The following CTNNA2 variants were observed in gnomAD, a reference collection of about 807,000 sequenced individuals.
The protein encoded by CTNNA2 is catenin alpha-2.
A neutral mutation model predicts 101.0 loss-of-function variants in CTNNA2; 42 were observed. The ratio of observed to expected loss-of-function variants is 0.42; its 90% confidence interval spans 0.32 to 0.54. CTNNA2 has a LOEUF of 0.54. Ranked by LOEUF, CTNNA2 falls within the 20% of genes least tolerant of loss-of-function variation. CTNNA2 has a pLI of 0.14. For missense variants in CTNNA2, 871 were observed against 1,223.1 expected (o/e 0.71, Z 4.29); for synonymous variants, 450 against 456.4 (o/e 0.99, Z 0.18).
intron 4 of CTNNA2, among the ~76,000 whole-genome samples, chr2:79,381,121 A>T (rs913663790): frequency 6.6e-6 from 1 of 152,200 alleles, no homozygotes; most frequent in African/African-American, 2.4e-5. Context: ...TCTTAGCAAG[A>T]TGTTGAAGAG....
chr2:79,299,162 T>C (rs1314344649), intron 2 of CTNNA2, among the ~76,000 whole-genome samples: 2 of 152,134 alleles, frequency 1.3e-5, no homozygotes, highest in African/African-American at 4.8e-5. Flanking sequence ...GAGTAGGCAA[T>C]AACCTGCTTT....
chr2:80,366,926 T>G (rs1010653971), intron 7 of CTNNA2, among the ~76,000 whole-genome samples: 1 of 152,010 alleles, frequency 6.6e-6, no homozygotes, highest in African/African-American at 2.4e-5. Flanking sequence ...TTGATTCCAT[T>G]GGTTCCATCC....
chr2:80,036,017 C>T (rs1273176577), intron 7 of CTNNA2, among the ~76,000 whole-genome samples: 1 of 152,220 alleles, frequency 6.6e-6, no homozygotes, highest in Admixed American at 6.5e-5. Context: ...TTCAGTCCCA[C>T]ATGACGGTCT....
chr2:80,326,382 A>G (rs1323035162), intron 7 of CTNNA2, among the ~76,000 whole-genome samples: 1 of 152,164 alleles, frequency 6.6e-6, no homozygotes, highest in Non-Finnish European at 1.5e-5. Flanking sequence ...GTCAAATGTC[A>G]TTCTTTTCAT....
At chr2:79,258,214 G>A (rs1451251105) in intron 2 of CTNNA2, among the ~76,000 whole-genome samples, 1 of 152,160 alleles carries the variant, frequency 6.6e-6, no homozygotes, top group Non-Finnish European at 1.5e-5. Flanking sequence ...CAAATGCCAA[G>A]CAGAATTTTT....
intron 7 of CTNNA2, among the ~76,000 whole-genome samples, chr2:79,941,092 C>A (rs1224906941): frequency 6.6e-6 from 1 of 152,156 alleles, no homozygotes; most frequent in East Asian, 1.9e-4. Flanking sequence ...GCTGCCAGGT[C>A]CAGCTTATGT....
At chr2:80,559,878 T>TATCTATCTATCTATCTATATATATATATA (rs1693393440) in intron 12 of CTNNA2, among the ~76,000 whole-genome samples, 15 of 114,022 alleles carry the variant, frequency 1.3e-4, no homozygotes, top group African/African-American at 4.2e-4. Flanking sequence ...GATATCATAT[T>TATCTATCTATCTATCTATATATATATATA]TATATATATA....
At chr2:79,785,254 C>T (rs974816600) in intron 3 of CTNNA2, among the ~76,000 whole-genome samples, 1 of 152,202 alleles carries the variant, frequency 6.6e-6, no homozygotes, top group African/African-American at 2.4e-5. Context: ...CAGGCCCCAC[C>T]TGTTCTGTTG....
At chr2:79,290,967 G>T (rs771998218) in intron 2 of CTNNA2, among the ~76,000 whole-genome samples, 1 of 152,058 alleles carries the variant, frequency 6.6e-6, no homozygotes. Context: ...TGTAATACAC[G>T]CCCACTGGGG....
At chr2:80,163,342 C>G (rs1704455808) in intron 7 of CTNNA2, among the ~76,000 whole-genome samples, 2 of 152,026 alleles carry the variant, frequency 1.3e-5, no homozygotes, top group South Asian at 4.1e-4. Flanking sequence ...CAGGAGATTT[C>G]TCTTGAGATT....
intron 1 of CTNNA2, among the ~76,000 whole-genome samples, chr2:79,629,946 C>T (rs1466778068): frequency 6.6e-6 from 1 of 152,272 alleles, no homozygotes; most frequent in East Asian, 1.9e-4. Flanking sequence ...ATATCCTAGT[C>T]AAAGCAGCCA....
chr2:79,949,866 C>T (rs1688760733), intron 7 of CTNNA2, among the ~76,000 whole-genome samples: 1 of 152,056 alleles, frequency 6.6e-6, no homozygotes, highest in African/African-American at 2.4e-5. Flanking sequence ...AATTCTTTTC[C>T]ATATTTTAGT....
At chr2:79,951,977 T>G (rs190635580) in intron 7 of CTNNA2, among the ~76,000 whole-genome samples, 1 of 152,208 alleles carries the variant, frequency 6.6e-6, no homozygotes, top group African/African-American at 2.4e-5. Flanking sequence ...TCATAGGCCA[T>G]GCTGTTGCAG....
chr2:79,877,519 T>A (rs541824663), intron 6 of CTNNA2, among the ~76,000 whole-genome samples: 10 of 152,316 alleles, frequency 6.6e-5, no homozygotes, highest in Non-Finnish European at 1.2e-4. Flanking sequence ...TGTTCCATAG[T>A]TGTATGATGA....
At chr2:79,486,277 A>G (rs1185973329) in intron 4 of CTNNA2, among the ~76,000 whole-genome samples, 1 of 135,472 alleles carries the variant, frequency 7.4e-6, no homozygotes, top group Non-Finnish European at 1.5e-5. Context: ...TCCTGTGTCC[A>G]TGTGTTCTCA....
intron 1 of CTNNA2, among the ~76,000 whole-genome samples, chr2:79,518,523 G>A (rs1010198827): frequency 6.6e-6 from 1 of 152,064 alleles, no homozygotes; most frequent in Non-Finnish European, 1.5e-5. Context: ...TGATGTTTTG[G>A]AACTAAAACC....
At chr2:80,392,070 G>A (rs1047201689) in intron 7 of CTNNA2, among the ~76,000 whole-genome samples, 1 of 152,202 alleles carries the variant, frequency 6.6e-6, no homozygotes, top group African/African-American at 2.4e-5. Flanking sequence ...GCTATGGAGA[G>A]CGGGTATGTA....
At chr2:80,135,138 A>C (rs1244651619) in intron 7 of CTNNA2, among the ~76,000 whole-genome samples, 1 of 152,160 alleles carries the variant, frequency 6.6e-6, no homozygotes, top group African/African-American at 2.4e-5. Context: ...CAGTCTGAGG[A>C]TTTGTGGTCT....
At chr2:79,626,923 A>G (rs1464910764) in intron 1 of CTNNA2, among the ~76,000 whole-genome samples, 1 of 152,170 alleles carries the variant, frequency 6.6e-6, no homozygotes, top group Admixed American at 6.5e-5. Flanking sequence ...TATTATAGCA[A>G]TAAAATTTAA....
Sources: allele counts gnomAD v4.1 joint callset (sites outside exome capture counted in the v4.1 genomes callset), GRCh38; gene constraint gnomAD v4.1.1; transcripts MANE v1.5; gene names NCBI Gene and HGNC (gene_info 2026-07-23, HGNC 2026-07-21).